Variants in PARP4 observed in about 807,000 individuals in gnomAD.
The protein encoded by PARP4 is protein mono-ADP-ribosyltransferase PARP4.
Under a neutral mutation model 187.7 loss-of-function variants are expected in PARP4, and 120 were observed. The observed-to-expected ratio is 0.64, with a 90% CI of 0.55 to 0.74. PARP4 has a LOEUF of 0.74. Among genes scored for constraint, PARP4 ranks in the 30% least tolerant of loss-of-function variants. The pLI, the probability that PARP4 is intolerant of heterozygous loss-of-function variation, is 0.00. For missense variants in PARP4, 1,836 were observed against 2,070.5 expected (o/e 0.89, Z 2.20); for synonymous variants, 654 against 740.9 (o/e 0.88, Z 1.90).
rs534268549 is a variant in PARP4 at position 24,501,538 on chromosome 13, T to A, written c.334+95A>T. ...TAATAAGTCTAATTTTTTTTTAGTA[T>A]TTCTGGACAATTCTCTGCCTATGGT... On this transcript the variant is annotated intron_variant, in intron 3 of 33. Transcript: ENST00000381989. The A allele has an allele frequency of 4.5e-4, 376 of 828,904 alleles. 4 individuals are homozygous for A. In the South Asian group the frequency reaches 5.8e-3, roughly 13 times the overall value. 51.3% of individuals were successfully genotyped at this position (828,904 alleles called of 1,614,324 possible).
At chr13:24,427,370 C>CTTTTTT (rs35815244) in intron 32 of PARP4, among the ~76,000 whole-genome samples, 1 of 133,592 alleles carries the variant, frequency 7.5e-6, no homozygotes, top group Non-Finnish European at 1.6e-5. Flanking sequence ...ATCCAAGCTT[C>CTTTTTT]TTTTTTTTTT....
chr13:24,459,565 AC>A (rs1407526415), intron 18 of PARP4: 3 of 410,662 alleles, frequency 7.3e-6, no homozygotes, highest in African/African-American at 2.0e-5. Context: ...ACACACACAC[AC>A]ATTTTATACA....
At chr13:24,450,354 T>C (rs1352363690) in intron 24 of PARP4, among the ~76,000 whole-genome samples, 1 of 151,414 alleles carries the variant, frequency 6.6e-6, no homozygotes, top group African/African-American at 2.4e-5. Context: ...TCTACAACTA[T>C]CAAGAACTCC....
Position 24,511,414 on chromosome 13 carries a change from C to A in PARP4, c.-2+1292G>T, listed in dbSNP as rs574228448. On this transcript the variant is annotated intron_variant, in intron 1 of 33. Transcript: ENST00000381989. ...GGGCTGGTTATTCTCTAAGGCAAAT[C>A]TGCACAGTCACTCCAGCCTGTCCCC... Among the ~76,000 whole-genome samples, 43 of 152,294 alleles carry A rather than the reference C, an allele frequency of 2.8e-4. 3 individuals are homozygous for A. In the South Asian group the frequency reaches 8.9e-3, roughly 32 times the overall value.
intron 7 of PARP4, 113 bp from the exon 8 acceptor site, chr13:24,493,846 G>C: frequency 4.0e-6 from 4 of 995,994 alleles, no homozygotes; most frequent in Non-Finnish European, 6.1e-6. Flanking sequence ...TAGAGCCCAG[G>C]AGAGTCATCC....
In PARP4 at chr13:24,451,798, A is replaced by T. The variant is rs540914720; in HGVS notation, c.3014+608T>A. On this transcript the variant is annotated intron_variant, in intron 24 of 33. Coordinates refer to ENST00000381989, the MANE Select transcript of PARP4 (RefSeq NM_006437.4). Reference sequence around the variant, plus strand: ...TACACCGCATACCTTAGTGCCATCCAAAAGAACTAACTTTTAATGGGGAAG... The same window carrying T: ...TACACCGCATACCTTAGTGCCATCCTAAAGAACTAACTTTTAATGGGGAAG... Among the ~76,000 whole-genome samples, 3 of 152,360 alleles carry T rather than the reference A, an allele frequency of 2.0e-5. No homozygotes were observed. The East Asian group carries it at 5.8e-4, about 29-fold the overall frequency.
intron 17 of PARP4, among the ~76,000 whole-genome samples, chr13:24,461,690 C>A (rs750388): frequency 0.52 from 79,088 of 151,712 alleles, 20,732 homozygotes; most frequent in South Asian, 0.65. Flanking sequence ...AGCACCTCTC[C>A]GTGGAGCAGG....
chr13:24,479,767 G>A (rs1205371158), intron 12 of PARP4, among the ~76,000 whole-genome samples: 2 of 152,236 alleles, frequency 1.3e-5, no homozygotes, highest in African/African-American at 2.4e-5. Context: ...CCAGCCAGCA[G>A]TGGCAACCCG....
rs1246878473 is a variant in PARP4 at position 24,441,872 on chromosome 13, C to T, written c.3640G>A (p.Glu1214Lys). The change falls in exon 30 of 34, where the codon GAG (glutamate) becomes AAG (lysine). Residue 1214 changes from glutamate (E) to lysine (K), a missense_variant. By Grantham distance (56) the Glu-to-Lys change is moderately conservative. This residue lies in a region of PARP4 where 47 missense variants were observed against 99.5 expected (regional missense o/e 0.47). Coordinates refer to ENST00000381989, the MANE Select transcript of PARP4 (RefSeq NM_006437.4). ...DFLPYMSWQG[E>K]PQEAVRNQSL... ...TGGTTCCTGACGGCTTCTTGGGGCT[C>T]CCCCTGCCAGCTCATGTAGGGCAGG... 12 of 1,602,766 alleles carry T rather than the reference C, an allele frequency of 7.5e-6. No individual in the cohort carries two copies. In the East Asian group the frequency reaches 2.0e-4, roughly 27 times the overall value.
chr13:24,489,814 C>T (rs1868533601), intron 10 of PARP4, among the ~76,000 whole-genome samples: 1 of 152,082 alleles, frequency 6.6e-6, no homozygotes, highest in African/African-American at 2.4e-5. Context: ...ACAGCAGCAA[C>T]GCCCCCGCAC....
intron 33 of PARP4, among the ~76,000 whole-genome samples, chr13:24,424,973 G>A (rs1193529910): frequency 5.9e-5 from 9 of 151,804 alleles, no homozygotes; most frequent in Admixed American, 1.3e-4. Flanking sequence ...GTGAGCCACC[G>A]CGCCCGGCCA....
chr13:24,503,539 A>G, intron 2 of PARP4, 106 bp downstream of exon 2: 36 of 1,318,818 alleles, frequency 2.7e-5, no homozygotes, highest in Non-Finnish European at 3.9e-5. Flanking sequence ...CGAGTAGCTC[A>G]CTCACTCTCT....
At chr13:24,449,851 C>T (rs1871417828) in intron 24 of PARP4, 34 bp from the exon 25 acceptor site, 1 of 1,318,970 alleles carries the variant, frequency 7.6e-7, no homozygotes, top group Non-Finnish European at 1.1e-6. Context: ...ATTTTGAAGA[C>T]ATTAGAAATA....
chr13:24,421,659 A>T (rs1277865336), intron 33 of PARP4, among the ~76,000 whole-genome samples: 1 of 152,196 alleles, frequency 6.6e-6, no homozygotes, highest in African/African-American at 2.4e-5. Flanking sequence ...TCACGCACAA[A>T]CTCAAGTACT....
At chr13:24,477,952 G>C in intron 13 of PARP4, 95 bp from the exon 14 acceptor site, 1 of 1,128,574 alleles carries the variant, frequency 8.9e-7, no homozygotes, top group Non-Finnish European at 1.3e-6. Context: ...TGCTAATTTA[G>C]AAAATGTTGA....
chr13:24,485,257 G>A (rs1374840995), intron 11 of PARP4, among the ~76,000 whole-genome samples: 1 of 151,816 alleles, frequency 6.6e-6, no homozygotes, highest in East Asian at 1.9e-4. Flanking sequence ...GTGTTTTTGG[G>A]TTCATTTGTG....
intron 1 of PARP4, among the ~76,000 whole-genome samples, chr13:24,508,247 T>C (rs1869816265): frequency 6.6e-6 from 1 of 152,140 alleles, no homozygotes; most frequent in South Asian, 2.1e-4. Flanking sequence ...CTCTATGTGA[T>C]AATTGCACCC....
intron 25 of PARP4, among the ~76,000 whole-genome samples, chr13:24,447,926 G>T (rs1408495927): frequency 2.6e-5 from 4 of 152,224 alleles, no homozygotes; most frequent in African/African-American, 9.6e-5. Flanking sequence ...ACAAGTGGTG[G>T]CTGGGCAGAG....
Position 24,500,386 on chromosome 13 carries a change from G to T in PARP4, c.335-4C>A. On this transcript the variant is annotated splice_region_variant and splice_polypyrimidine_tract_variant and intron_variant, in intron 3 of 33. Transcript: ENST00000381989. Reference sequence around the variant, plus strand: ...CATAGACCTTCTGTTTTCACTTCTAGAATTAAAAGCAAACAGCACACTTGT... The same window carrying T: ...CATAGACCTTCTGTTTTCACTTCTATAATTAAAAGCAAACAGCACACTTGT... 1 of 1,593,510 alleles carries T rather than the reference G, an allele frequency of 6.3e-7. No homozygotes were observed. Among genetic ancestry groups the T allele is most frequent in the South Asian group, 1.1e-5 (1 of 88,986 alleles).
Sources: gnomAD v4.1 joint callset for allele counts (sites outside exome capture counted in the v4.1 genomes callset) on GRCh38, gnomAD v4.1.1 for gene constraint, gnomAD v4.1.1 regional missense constraint, MANE v1.5 for transcripts, NCBI Gene and HGNC (gene_info 2026-07-23, HGNC 2026-07-21) for gene names.